Variants in PCDH9 observed in about 807,000 individuals in gnomAD.
PCDH9 encodes protocadherin-9.
Under a neutral mutation model 70.6 loss-of-function variants are expected in PCDH9, and 24 were observed. The ratio of observed to expected loss-of-function variants is 0.34; its 90% CI spans 0.25 to 0.48. The LOEUF is 0.48. PCDH9 is among the 20% of genes least tolerant of loss of function. The pLI is 0.99. For synonymous variants in PCDH9, 562 were observed against 558.5 expected (o/e 1.01, Z -0.09); for missense variants, 1,281 against 1,503.6 (o/e 0.85, Z 2.45).
intron 4 of PCDH9, among the ~76,000 whole-genome samples, chr13:66,629,353 T>C (rs969173123): frequency 6.6e-6 from 1 of 152,170 alleles, no homozygotes; most frequent in Non-Finnish European, 1.5e-5. Flanking sequence ...GAACCAGCTG[T>C]GAGACTCTTA....
At chr13:66,995,757 T>C (rs1249828991) in intron 2 of PCDH9, among the ~76,000 whole-genome samples, 1 of 152,216 alleles carries the variant, frequency 6.6e-6, no homozygotes, top group Admixed American at 6.5e-5. Context: ...TGAAAAATTA[T>C]GTATATCAAA....
At chr13:66,406,750 G>A (rs1363653135) in intron 4 of PCDH9, among the ~76,000 whole-genome samples, 2 of 152,134 alleles carry the variant, frequency 1.3e-5, no homozygotes, top group East Asian at 3.9e-4. Context: ...CCTAGATGGT[G>A]CGAAAACAAA....
intron 2 of PCDH9, among the ~76,000 whole-genome samples, chr13:67,192,755 A>G (rs753745096): frequency 2.6e-5 from 4 of 152,204 alleles, no homozygotes; most frequent in Admixed American, 6.5e-5. Flanking sequence ...GATAACCTGT[A>G]AGAGGGATAG....
chr13:66,737,278 G>C (rs1268654032), intron 3 of PCDH9, among the ~76,000 whole-genome samples: 2 of 152,096 alleles, frequency 1.3e-5, no homozygotes, highest in African/African-American at 4.8e-5. Context: ...CCATTAGCAT[G>C]GTAATTTAAG....
intron 2 of PCDH9, among the ~76,000 whole-genome samples, chr13:66,941,009 T>C (rs2082999148): frequency 6.6e-6 from 1 of 152,006 alleles, no homozygotes; most frequent in South Asian, 2.1e-4. Context: ...TATATACTTG[T>C]AGGAAAAATA....
At chr13:66,815,070 G>A (rs1001645855) in intron 3 of PCDH9, among the ~76,000 whole-genome samples, 30 of 151,580 alleles carry the variant, frequency 2.0e-4, no homozygotes, top group African/African-American at 6.5e-4. Context: ...CAAGTAAAAC[G>A]AACAAAAACA....
chr13:66,785,270 G>T (rs901354325), intron 3 of PCDH9, among the ~76,000 whole-genome samples: 3 of 151,806 alleles, frequency 2.0e-5, no homozygotes, highest in Admixed American at 6.6e-5. Context: ...ATAAATCCTT[G>T]TCTGTATTAT....
chr13:66,367,113 T>G (rs1280341201), intron 4 of PCDH9, among the ~76,000 whole-genome samples: 3 of 152,148 alleles, frequency 2.0e-5, no homozygotes, highest in Non-Finnish European at 4.4e-5. Flanking sequence ...ATTTACTTTT[T>G]TCAATATTAT....
At chr13:66,992,067 C>T (rs1446134952) in intron 2 of PCDH9, among the ~76,000 whole-genome samples, 1 of 151,904 alleles carries the variant, frequency 6.6e-6, no homozygotes, top group Admixed American at 6.6e-5. Flanking sequence ...GTTTCATATA[C>T]TCCAGATTTT....
At chr13:66,580,398 T>C (rs996294269) in intron 4 of PCDH9, among the ~76,000 whole-genome samples, 2 of 151,998 alleles carry the variant, frequency 1.3e-5, no homozygotes, top group Non-Finnish European at 2.9e-5. Flanking sequence ...CCTGGGAAAT[T>C]GCCAATAAAT....
intron 2 of PCDH9, among the ~76,000 whole-genome samples, chr13:67,068,224 T>C (rs2085689535): frequency 6.6e-6 from 1 of 151,774 alleles, no homozygotes; most frequent in East Asian, 1.9e-4. Context: ...GTCTATAAAA[T>C]ATGGTTTCTA....
chr13:67,124,039 C>T (rs928523564), intron 2 of PCDH9, among the ~76,000 whole-genome samples: 2 of 152,002 alleles, frequency 1.3e-5, no homozygotes, highest in African/African-American at 2.4e-5. Flanking sequence ...ATGAATCATT[C>T]GTTGTAATTT....
At chr13:67,172,470 G>C (rs1278709987) in intron 2 of PCDH9, among the ~76,000 whole-genome samples, 1 of 152,082 alleles carries the variant, frequency 6.6e-6, no homozygotes, top group African/African-American at 2.4e-5. Flanking sequence ...ACAGAGAGTT[G>C]GCTTCAAATA....
chr13:66,710,110 T>A (rs866634515), intron 3 of PCDH9, among the ~76,000 whole-genome samples: 3 of 152,160 alleles, frequency 2.0e-5, no homozygotes, highest in Non-Finnish European at 2.9e-5. Flanking sequence ...ATTATACACA[T>A]TGACTACACA....
At chr13:66,683,803 C>T (rs1171952147) in intron 3 of PCDH9, among the ~76,000 whole-genome samples, 2 of 151,950 alleles carry the variant, frequency 1.3e-5, no homozygotes, top group East Asian at 3.9e-4. Flanking sequence ...TAAGCCAATT[C>T]CCTCCCCACC....
At chr13:66,326,694 G>A (rs1955854015) in intron 4 of PCDH9, among the ~76,000 whole-genome samples, 1 of 152,062 alleles carries the variant, frequency 6.6e-6, no homozygotes, top group Non-Finnish European at 1.5e-5. Flanking sequence ...GGGATTACAG[G>A]TGTGAGCCAC....
At chr13:66,616,550 C>G (rs1197509967) in intron 4 of PCDH9, among the ~76,000 whole-genome samples, 1 of 144,214 alleles carries the variant, frequency 6.9e-6, no homozygotes, top group African/African-American at 2.6e-5. Context: ...TGTGAAGCAA[C>G]CAGCAATCTC....
intron 3 of PCDH9, among the ~76,000 whole-genome samples, chr13:66,849,912 T>A (rs988406476): frequency 6.6e-6 from 1 of 152,102 alleles, no homozygotes; most frequent in African/African-American, 2.4e-5. Flanking sequence ...TCAGGCTGCA[T>A]AGATGCCTGG....
intron 4 of PCDH9, among the ~76,000 whole-genome samples, chr13:66,533,273 T>C (rs937280132): frequency 4.6e-5 from 7 of 152,126 alleles, no homozygotes; most frequent in African/African-American, 1.7e-4. Context: ...CATTCATACA[T>C]TGTACTAATG....
Sources: gnomAD v4.1 joint callset for allele counts (sites outside exome capture counted in the v4.1 genomes callset) on GRCh38, gnomAD v4.1.1 for gene constraint, MANE v1.5 for transcripts, NCBI Gene and HGNC (gene_info 2026-07-23, HGNC 2026-07-21) for gene names.